The following RBFOX1 variants were observed in gnomAD, a reference collection of about 807,000 sequenced individuals.
RBFOX1 encodes the protein RNA binding protein fox-1 homolog 1.
Under a neutral mutation model 57.7 loss-of-function variants are expected in RBFOX1, and 8 were observed. The observed-to-expected ratio is 0.14, with a 90% CI of 0.08 to 0.25. RBFOX1 has a LOEUF of 0.25. Ranked by LOEUF, RBFOX1 falls within the 10% of genes least tolerant of loss-of-function variation. RBFOX1 has a pLI of 1.00. For missense variants in RBFOX1, 611 were observed against 548.5 expected, an observed-to-expected ratio of 1.11 and a Z score of -1.14; for synonymous variants, 326 against 222.4, an observed-to-expected ratio of 1.47 and a Z score of -4.15.
intron 3 of RBFOX1, among the ~76,000 whole-genome samples, chr16:5,815,463 G>C (rs1286650474): frequency 1.3e-5 from 2 of 152,088 alleles, no homozygotes; most frequent in East Asian, 3.9e-4. Context: ...AGCCAGGGGT[G>C]CTAAGAAAAG....
At chr16:6,066,546 G>C (rs1417380469) in intron 1 of RBFOX1, among the ~76,000 whole-genome samples, 1 of 152,084 alleles carries the variant, frequency 6.6e-6, no homozygotes, top group Non-Finnish European at 1.5e-5. Context: ...CCACGGTTGA[G>C]CATGGATGCC....
intron 4 of RBFOX1, among the ~76,000 whole-genome samples, chr16:5,943,499 A>G (rs1186057058): frequency 6.6e-6 from 1 of 152,192 alleles, no homozygotes. Context: ...GTTAACTGAA[A>G]CTCAGGGCAT....
At chr16:6,788,626 C>T (rs1172639711) in intron 3 of RBFOX1, among the ~76,000 whole-genome samples, 1 of 151,914 alleles carries the variant, frequency 6.6e-6, no homozygotes, top group Non-Finnish European at 1.5e-5. Context: ...CAGGTGCCTA[C>T]GACCATGCCC....
intron 4 of RBFOX1, among the ~76,000 whole-genome samples, chr16:7,129,175 A>C (rs1416439478): frequency 6.6e-6 from 1 of 152,174 alleles, no homozygotes; most frequent in Admixed American, 6.6e-5. Flanking sequence ...AAACCAGGAA[A>C]GTCTGGCTCC....
intron 3 of RBFOX1, among the ~76,000 whole-genome samples, chr16:7,039,636 A>T (rs1219420363): frequency 3.3e-5 from 5 of 152,092 alleles, no homozygotes; most frequent in African/African-American, 4.8e-5. Context: ...CGGTGGTGGG[A>T]TCTGTATTTG....
chr16:5,322,433 G>C (rs931548927), intron 1 of RBFOX1, among the ~76,000 whole-genome samples: 1 of 152,104 alleles, frequency 6.6e-6, no homozygotes, highest in African/African-American at 2.4e-5. Context: ...GCTGAGCCGG[G>C]TGCCCTGGGC....
intron 1 of RBFOX1, among the ~76,000 whole-genome samples, chr16:6,113,748 G>A (rs11640832): frequency 0.36 from 54,031 of 152,090 alleles, 10,575 homozygotes; most frequent in Non-Finnish European, 0.45. Flanking sequence ...AGAATGCCTA[G>A]CATGTAACAT....
chr16:7,464,901 G>A (rs1054807435), intron 4 of RBFOX1, among the ~76,000 whole-genome samples: 7 of 151,700 alleles, frequency 4.6e-5, no homozygotes, highest in African/African-American at 1.2e-4. Context: ...GTTTCACCGT[G>A]TTAGCCAGGA....
At chr16:5,424,970 CTTTCTTTCTTTTCTTTTCT>C (rs1373115912) in intron 1 of RBFOX1, among the ~76,000 whole-genome samples, 3 of 54,970 alleles carry the variant, frequency 5.5e-5, no homozygotes, top group African/African-American at 2.2e-4. Flanking sequence ...CTTTCTCTTT[CTTTCTTTCTTTTCTTTTCT>C]TTTCTTTTCT....
intron 1 of RBFOX1, among the ~76,000 whole-genome samples, chr16:6,224,144 C>T (rs1020827788): frequency 5.3e-5 from 8 of 151,958 alleles, no homozygotes; most frequent in African/African-American, 1.9e-4. Context: ...GTGATGCCTC[C>T]AGCTTTGTTC....
chr16:6,050,531 C>T (rs1044579842), intron 1 of RBFOX1, among the ~76,000 whole-genome samples: 4 of 152,124 alleles, frequency 2.6e-5, no homozygotes, highest in African/African-American at 9.7e-5. Flanking sequence ...GATCGATTGT[C>T]TCCCTTTTTG....
intron 1 of RBFOX1, among the ~76,000 whole-genome samples, chr16:6,043,197 C>A (rs898985240): frequency 7.5e-6 from 1 of 133,608 alleles, no homozygotes; most frequent in African/African-American, 2.7e-5. Flanking sequence ...CATCTTGTTA[C>A]GTAGGTTAAG....
At chr16:7,241,050 G>C (rs905275930) in intron 4 of RBFOX1, among the ~76,000 whole-genome samples, 1 of 152,128 alleles carries the variant, frequency 6.6e-6, no homozygotes, top group African/African-American at 2.4e-5. Context: ...CACTGGATTT[G>C]GGTTGGAAAA....
intron 1 of RBFOX1, among the ~76,000 whole-genome samples, chr16:6,193,426 A>ACATTATATAT (rs1567651821): frequency 1.0e-5 from 1 of 97,300 alleles, no homozygotes; most frequent in Non-Finnish European, 2.3e-5. Flanking sequence ...ATATATATAT[A>ACATTATATAT]AAATTCAGTG....
intron 4 of RBFOX1, among the ~76,000 whole-genome samples, chr16:7,401,125 G>T (rs1436282290): frequency 6.6e-6 from 1 of 152,192 alleles, no homozygotes; most frequent in Non-Finnish European, 1.5e-5. Context: ...AATGGTATTA[G>T]AAAATCCAGA....
chr16:6,290,373 C>T (rs2077346920), intron 1 of RBFOX1, among the ~76,000 whole-genome samples: 1 of 151,162 alleles, frequency 6.6e-6, no homozygotes, highest in African/African-American at 2.4e-5. Context: ...AAAATTGTGA[C>T]CATAGCATTT....
intron 1 of RBFOX1, among the ~76,000 whole-genome samples, chr16:5,306,398 C>T (rs2063934915): frequency 6.6e-6 from 1 of 151,690 alleles, no homozygotes; most frequent in Non-Finnish European, 1.5e-5. Context: ...TGACCCACTG[C>T]AACCTCCTCC....
intron 3 of RBFOX1, among the ~76,000 whole-genome samples, chr16:6,937,313 C>T (rs531861624): frequency 7.9e-5 from 12 of 152,230 alleles, no homozygotes; most frequent in East Asian, 1.9e-4. Context: ...TCCCACATCC[C>T]CCGAACAACC....
At chr16:6,202,873 A>G (rs1250089443) in intron 1 of RBFOX1, among the ~76,000 whole-genome samples, 6 of 152,066 alleles carry the variant, frequency 3.9e-5, no homozygotes, top group African/African-American at 1.2e-4. Context: ...CGGCAGCTCA[A>G]ATATTCCTCC....
Sources: allele counts gnomAD v4.1 joint callset (sites outside exome capture counted in the v4.1 genomes callset), GRCh38; gene constraint gnomAD v4.1.1; transcripts MANE v1.5; gene names NCBI Gene and HGNC (gene_info 2026-07-23, HGNC 2026-07-21).